Variants in EEF1A2 observed in about 807,000 individuals in gnomAD.
EEF1A2 encodes elongation factor 1-alpha 2.
EEF1A2 carries 5 observed loss-of-function variants against 39.3 expected under a neutral mutation model. The ratio of observed to expected loss-of-function variants is 0.13; its 90% confidence interval spans 0.07 to 0.27. The LOEUF (loss-of-function observed/expected upper bound fraction) is 0.27, where lower values mean the gene tolerates loss of function less well. Ranked by LOEUF, EEF1A2 falls within the 10% of genes least tolerant of loss-of-function variation. EEF1A2 has a pLI of 1.00. For synonymous variants in EEF1A2, 287 were observed against 293.7 expected, an observed-to-expected ratio of 0.98 and a Z score of 0.23; for missense variants, 218 against 681.4, an observed-to-expected ratio of 0.32 and a Z score of 7.57.
rs759770756 is a variant in EEF1A2, at chr20:63,490,506, C to A, written c.1002G>T (p.Pro334=). 1.9e-6 allele frequency: 3 copies of A among 1,610,630 alleles called. No individual in the cohort carries two copies. The highest frequency in any genetic ancestry group is 2.5e-6 in the Non-Finnish European group (3 of 1,178,504). The change falls in exon 6 of 8, where the codon CCG becomes CCT. Residue 334 remains proline, a synonymous_variant. Coordinates refer to ENST00000217182, the MANE Select transcript of EEF1A2 (RefSeq NM_001958.5). The part of the protein sequence containing the change: ...NVCGDSKSDP[P]QEAAQFTSQV... ...GGGAGGTGAACTGAGCAGCCTCCTG[C>A]GGCGGGTCAGACTTGCTGTCCCCAC...
At position 63,497,346 on chromosome 20, in the gene EEF1A2, C is replaced by G. The variant is rs2082423107; in HGVS notation, c.144+274G>C. 2 of 388,220 alleles carry G rather than the reference C, an allele frequency of 5.2e-6. No individual in the cohort carries two copies. The highest frequency in any genetic ancestry group is 7.6e-5 in the South Asian group (2 of 26,260). The allele number at this position is 388,220 out of a possible 1,614,324, so 24.0% of individuals were successfully genotyped here. On this transcript the variant is annotated intron_variant, in intron 2 of 7. Transcript: ENST00000217182. The surrounding 1 kb of genome is among the most constrained non-coding windows in gnomAD (Gnocchi z 7.3). ...AGCCCCAGCTCAACATGGCAGAGTT[C>G]CAGAGCCTTCTGCAGACCCTCCCAG...
chr20:63,494,813 A>T lies in EEF1A2; in HGVS notation c.613T>A (p.Ser205Thr). 1 of 1,608,602 alleles carries T rather than the reference A, an allele frequency of 6.2e-7. No homozygotes were observed. The highest frequency in any genetic ancestry group is 8.5e-7 in the Non-Finnish European group (1 of 1,177,228). ...CCCTAGCCGCCACTCACGTTGGGGG[A>T]GGGCTCCAGCATGTTGTCACCGTGC... is the stretch of plus-strand genomic sequence containing the variant. Reference protein sequence around the residue: ...GWHGDNMLEPSPNMPWFKGWK... With the variant: ...GWHGDNMLEPTPNMPWFKGWK... The change falls in exon 4 of 8, where the codon TCC (serine) becomes ACC (threonine). Residue 205 changes from serine (S) to threonine (T), a missense_variant. Transcript: ENST00000217182.
intron 4 of EEF1A2, 34 bp downstream of exon 4, chr20:63,494,771 T>G (rs1402196002): frequency 2.5e-6 from 4 of 1,586,990 alleles, no homozygotes; most frequent in Non-Finnish European, 2.6e-6. Flanking sequence ...TCCAGCCAGC[T>G]CCCGTGGCCC....
At chr20:63,490,154 G>A (rs2082371836) in intron 6 of EEF1A2, 2 of 223,432 alleles carry the variant, frequency 9.0e-6, no homozygotes, top group Non-Finnish European at 1.8e-5. Flanking sequence ...TGCAACCTCC[G>A]CCTCCCAGGT....
chr20:63,496,048 A>G lies in EEF1A2; in HGVS notation c.145-13T>C, dbSNP rs1276572819. On this transcript the variant is annotated splice_polypyrimidine_tract_variant and intron_variant, in intron 2 of 7. Transcript: ENST00000217182. ...ATCCCTTCCCCATCTGGAGCGGGTG[A>G]GGGTCACGGCTGAGGGCGGGACCCG... The G allele has an allele frequency of 3.7e-6, 6 of 1,612,096 alleles. 1 individual carries two copies. The South Asian group carries it at 6.6e-5, about 18-fold the overall frequency.
intron 5 of EEF1A2, among the ~76,000 whole-genome samples, chr20:63,491,876 AGATGGATGGATG>A (rs1167375518): frequency 2.6e-3 from 159 of 62,324 alleles, no homozygotes; most frequent in African/African-American, 8.4e-3. Context: ...GTGGATGGAT[AGATGGATGGATG>A]GATGGATGGA....
At position 63,488,438 on chromosome 20, in the gene EEF1A2, G is replaced by T. The variant is rs1163487010; in HGVS notation, c.1265-13C>A. The T allele has an allele frequency of 1.2e-5, 17 of 1,436,316 alleles. No individual in the cohort carries two copies. The Admixed American group carries it at 3.3e-4, about 28-fold the overall frequency. 89.0% of individuals were successfully genotyped at this position (1,436,316 alleles called of 1,614,324 possible). Reference sequence around the variant, plus strand: ...ACGGCGAAGCGGCCTGGGGGGCGGGGGGCGGCGTGTGGGCGGGGCCGGAGG... The same window carrying T: ...ACGGCGAAGCGGCCTGGGGGGCGGGTGGCGGCGTGTGGGCGGGGCCGGAGG... On this transcript the variant is annotated splice_polypyrimidine_tract_variant and intron_variant, in intron 7 of 7. Coordinates refer to ENST00000217182, the MANE Select transcript of EEF1A2 (RefSeq NM_001958.5).
chr20:63,490,073 T>TTTTTTTTTTTTTTTTG (rs2082371277), intron 6 of EEF1A2: 1 of 169,268 alleles, frequency 5.9e-6, no homozygotes, highest in South Asian at 1.5e-4. Context: ...TTTTCTTTTT[T>TTTTTTTTTTTTTTTTG]TTTTTTTCTT....
chr20:63,490,871 G>A (rs2079875048), intron 5 of EEF1A2, 136 bp from the exon 6 acceptor site: 4 of 1,066,418 alleles, frequency 3.8e-6, no homozygotes, highest in Non-Finnish European at 5.4e-6. Context: ...GGGGCCACAT[G>A]GGCGGAGTGC....
chr20:63,489,252 C>T lies in EEF1A2; in HGVS notation c.1030-100G>A, dbSNP rs1158310339. ...AGGCCCAGTCACCGGCGCCCCTGCA[C>T]GGGCTCCTGGGCCCGGAGTGCTGAC... On this transcript the variant is annotated intron_variant, in intron 6 of 7. Transcript: ENST00000217182. The T allele has an allele frequency of 4.9e-6, 6 of 1,233,952 alleles. No homozygotes were observed. In the East Asian group the frequency reaches 1.3e-4, roughly 26 times the overall value. 76.4% of individuals were successfully genotyped at this position (1,233,952 alleles called of 1,614,324 possible).
intron 7 of EEF1A2, 88 bp downstream of exon 7, chr20:63,488,830 C>G (rs1482325731): frequency 2.1e-6 from 3 of 1,418,826 alleles, no homozygotes; most frequent in Non-Finnish European, 1.9e-6. Context: ...CACTGCTGTC[C>G]CCAGCGCCCC....
intron 3 of EEF1A2, among the ~76,000 whole-genome samples, 173 bp from the exon 4 acceptor site, chr20:63,495,274 G>A (rs913485842): frequency 6.6e-5 from 10 of 152,218 alleles, no homozygotes; most frequent in Admixed American, 6.5e-4. Context: ...CAGCATGGGG[G>A]CTCATCGCCA....
At position 63,494,798 on chromosome 20, in the gene EEF1A2, C is replaced by A. The variant is rs1376340355; in HGVS notation, c.621+7G>T. The A allele has an allele frequency of 4.4e-6, 7 of 1,606,362 alleles. No homozygotes were observed. Among genetic ancestry groups the A allele is most frequent in the Non-Finnish European group, 6.0e-6 (7 of 1,175,966 alleles). On this transcript the variant is annotated splice_region_variant and intron_variant, in intron 4 of 7. Transcript: ENST00000217182. ...CCGTGGCCCGCCCCGCCCTAGCCGCCACTCACGTTGGGGGAGGGCTCCAGC... is the reference window on the plus strand; with the variant it reads ...CCGTGGCCCGCCCCGCCCTAGCCGCAACTCACGTTGGGGGAGGGCTCCAGC...
intron 6 of EEF1A2, chr20:63,490,090 C>A: frequency 6.7e-6 from 1 of 149,706 alleles, no homozygotes; most frequent in Admixed American, 6.3e-5. Flanking sequence ...TCTTTTGAGA[C>A]GAAGTCTCGC....
intron 3 of EEF1A2, 92 bp from the exon 4 acceptor site, chr20:63,495,193 G>C (rs1306149026): frequency 6.6e-7 from 1 of 1,520,090 alleles, no homozygotes; most frequent in African/African-American, 1.4e-5. Flanking sequence ...GCCTCTCCAG[G>C]CAGCGGGCTG....
At chr20:63,491,920 A>AGATGGATG (rs370750773) in intron 5 of EEF1A2, among the ~76,000 whole-genome samples, 121 of 36,224 alleles carry the variant, frequency 3.3e-3, no homozygotes, top group African/African-American at 0.01. Context: ...ATGGGGGGAT[A>AGATGGATG]GATGGATGGA....
In EEF1A2 at chr20:63,489,120, G is replaced by A. The variant is rs774204759; in HGVS notation, c.1062C>T (p.Ser354=). Residue 354 remains serine, a synonymous_variant, in exon 7 of 8, where the codon AGC becomes AGT. Transcript: ENST00000217182. The part of the protein sequence containing the change: ...VIILNHPGQI[S]AGYSPVIDCH... ...AGTCGATGACCGGGGAGTAGCCGGC[G>A]CTAATCTGCCCCGGGTGGTTCAGGA... is the stretch of plus-strand genomic sequence containing the variant. The A allele has an allele frequency of 3.7e-6, 6 of 1,612,722 alleles. No individual in the cohort carries two copies. Among genetic ancestry groups the A allele is most frequent in the East Asian group, 2.2e-5 (1 of 44,884 alleles).
chr20:63,491,323 G>C (rs1456046044), intron 5 of EEF1A2, among the ~76,000 whole-genome samples: 2 of 152,194 alleles, frequency 1.3e-5, no homozygotes, highest in East Asian at 3.9e-4. Context: ...GAGCGTCCCT[G>C]GCATTTCTCA....
intron 5 of EEF1A2, 101 bp from the exon 6 acceptor site, chr20:63,490,836 G>A: frequency 7.1e-7 from 1 of 1,401,488 alleles, no homozygotes; most frequent in African/African-American, 1.4e-5. Flanking sequence ...CCTGGGACTG[G>A]ATCCCCCCGA....
Sources: allele counts gnomAD v4.1 joint callset (sites outside exome capture counted in the v4.1 genomes callset), GRCh38; gene constraint gnomAD v4.1.1; non-coding constraint Gnocchi (gnomAD v3.1); transcripts MANE v1.5; gene names NCBI Gene and HGNC (gene_info 2026-07-23, HGNC 2026-07-21).